The following FDFT1 variants were observed in gnomAD, a reference collection of about 807,000 sequenced individuals.
FDFT1 encodes the protein farnesyl-diphosphate farnesyltransferase 1, also known as squalene synthase.
FDFT1 carries 68 observed loss-of-function variants against 46.8 expected under a neutral mutation model. That is an observed-to-expected ratio of 1.45 (90% confidence interval 1.19 to 1.78). The LOEUF is 1.78. Ranked by LOEUF, FDFT1 falls within the 40% of genes most tolerant of loss-of-function variation. FDFT1 has a pLI of 0.00. For missense variants in FDFT1, 928 were observed against 524.4 expected, an observed-to-expected ratio of 1.77 and a Z score of -7.52; for synonymous variants, 351 against 185.1, an observed-to-expected ratio of 1.90 and a Z score of -7.28.
intron 3 of FDFT1, 115 bp from the exon 4 acceptor site, chr8:11,821,635 C>G (rs748838225): frequency 2.7e-5 from 34 of 1,242,058 alleles, no homozygotes; most frequent in Non-Finnish European, 3.7e-5. Flanking sequence ...CTAAATTAGG[C>G]TTATAGATGA....
At chr8:11,808,288 C>T (rs959899651) in intron 1 of FDFT1, 8 of 1,223,440 alleles carry the variant, frequency 6.5e-6, no homozygotes, top group Admixed American at 4.3e-5. Flanking sequence ...CGGAAGTGCG[C>T]TGGGTTCCCT....
At chr8:11,809,904 G>A in intron 3 of FDFT1, 54 bp downstream of exon 3, 6 of 1,388,850 alleles carry the variant, frequency 4.3e-6, no homozygotes, top group Non-Finnish European at 6.0e-6. Context: ...AATTGCTAAC[G>A]TGGTTGTCCG....
intron 3 of FDFT1, among the ~76,000 whole-genome samples, chr8:11,813,521 T>C (rs2130758293): frequency 6.6e-6 from 1 of 152,328 alleles, no homozygotes; most frequent in East Asian, 1.9e-4. Context: ...GTACTTTGCC[T>C]AGGATTACCC....
At chr8:11,831,495 C>T (rs757673923) in intron 6 of FDFT1, 23 bp from the exon 7 acceptor site, 1 of 1,593,842 alleles carries the variant, frequency 6.3e-7, no homozygotes, top group Non-Finnish European at 8.6e-7. Flanking sequence ...CTTCTTTTTT[C>T]CCTCTCTTCT....
intron 7 of FDFT1, among the ~76,000 whole-genome samples, chr8:11,834,342 C>G (rs927312830): frequency 1.3e-5 from 2 of 152,212 alleles, no homozygotes; most frequent in African/African-American, 4.8e-5. Flanking sequence ...GATCAACCTG[C>G]TATTTTGGGA....
chr8:11,798,118 C>G (rs1805748162), upstream of FDFT1: 1 of 151,974 alleles, frequency 6.6e-6, no homozygotes, highest in East Asian at 1.9e-4. Context: ...ACTTTGTTGC[C>G]CAGGCTGCAG....
At chr8:11,833,685 C>G (rs1449575001) in intron 7 of FDFT1, among the ~76,000 whole-genome samples, 1 of 152,184 alleles carries the variant, frequency 6.6e-6, no homozygotes, top group South Asian at 2.1e-4. Flanking sequence ...CAGCCACACC[C>G]ATTTGCTTCT....
intron 6 of FDFT1, among the ~76,000 whole-genome samples, chr8:11,831,033 C>G (rs1307717042): frequency 7.2e-5 from 11 of 152,152 alleles, no homozygotes; most frequent in African/African-American, 4.8e-5. Context: ...TTCCATTTAC[C>G]TAGAAATACT....
chr8:11,808,765 C>T, intron 1 of FDFT1, 29 bp from the exon 2 acceptor site: 4 of 1,610,878 alleles, frequency 2.5e-6, no homozygotes, highest in Non-Finnish European at 3.4e-6. Context: ...TCGACGTCTC[C>T]CACCGCCGTG....
upstream of FDFT1, chr8:11,802,146 G>A: frequency 2.2e-6 from 1 of 451,692 alleles, no homozygotes; most frequent in Admixed American, 2.4e-5. Flanking sequence ...AGGAGTGTGT[G>A]GGGCTCCCTG....
At position 11,838,472 on chromosome 8, in the gene FDFT1, A is replaced by G. The variant is rs1373133591; in HGVS notation, c.1117A>G (p.Asn373Asp). ...CACCATCCGGACGCAGAATCTTCCC[A>G]ACTGTCAGCTGATTTCCCGAAGCCA... ...ISTIRTQNLP[N>D]CQLISRSHYS... The change falls in exon 8 of 8, where the codon AAC becomes GAC. Residue 373 changes from asparagine to aspartate, a missense_variant. By Grantham distance (23) the Asn-to-Asp change is conservative. Coordinates refer to ENST00000220584, the MANE Select transcript of FDFT1 (RefSeq NM_004462.5). 1.2e-6 allele frequency: 2 copies of G among 1,606,582 alleles called. No individual in the cohort carries two copies. The highest frequency in any genetic ancestry group is 1.7e-6 in the Non-Finnish European group (2 of 1,175,632).
chr8:11,829,335 C>G (rs1810453393), intron 5 of FDFT1, among the ~76,000 whole-genome samples: 2 of 152,150 alleles, frequency 1.3e-5, no homozygotes, highest in Non-Finnish European at 2.9e-5. Context: ...AGAGAATCCT[C>G]TAAATAATAT....
intron 3 of FDFT1, among the ~76,000 whole-genome samples, chr8:11,810,935 A>T (rs986322204): frequency 7.5e-4 from 18 of 23,982 alleles, no homozygotes; most frequent in Admixed American, 4.4e-3. Flanking sequence ...GCAATATTTA[A>T]AAAAAAAAAA....
intron 3 of FDFT1, among the ~76,000 whole-genome samples, chr8:11,816,212 G>A (rs756497595): frequency 1.9e-4 from 29 of 152,150 alleles, no homozygotes; most frequent in Non-Finnish European, 3.2e-4. Flanking sequence ...CCTCTGTTCC[G>A]TTCCATTGGT....
upstream of FDFT1, chr8:11,801,974 C>T (rs778615591): frequency 6.6e-6 from 3 of 455,690 alleles, no homozygotes; most frequent in African/African-American, 6.0e-5. Context: ...CAGGCGTGAG[C>T]CACCACGCCT....
chr8:11,799,727 C>A (rs2130634513), upstream of FDFT1, among the ~76,000 whole-genome samples: 1 of 151,842 alleles, frequency 6.6e-6, no homozygotes, highest in Admixed American at 6.5e-5. Flanking sequence ...GCGGGCGGAT[C>A]ACGAGGTCAA....
In FDFT1 at chr8:11,838,497, A is replaced by G. The variant is rs753067078; in HGVS notation, c.1142A>G (p.His381Arg). The change falls in exon 8 of 8, where the codon CAC (histidine) becomes CGC (arginine). Residue 381 changes from histidine to arginine, a missense_variant. Coordinates refer to ENST00000220584, the MANE Select transcript of FDFT1 (RefSeq NM_004462.5). ...LPNCQLISRS[H>R]YSPIYLSFVM... ...AACTGTCAGCTGATTTCCCGAAGCC[A>G]CTACTCCCCCATCTACCTGTCGTTT... 1.2e-6 allele frequency: 2 copies of G among 1,607,032 alleles called. No individual in the cohort carries two copies. Among genetic ancestry groups the G allele is most frequent in the East Asian group, 2.2e-5 (1 of 44,764 alleles).
At chr8:11,799,633 T>C (rs1364673736), upstream of FDFT1, among the ~76,000 whole-genome samples, 3 of 152,226 alleles carry the variant, frequency 2.0e-5, no homozygotes, top group African/African-American at 7.2e-5. Context: ...TGAAATGCTT[T>C]TTCCCTGGTG....
intron 1 of FDFT1, chr8:11,808,292 G>A (rs1271453347): frequency 1.6e-6 from 2 of 1,224,948 alleles, no homozygotes; most frequent in Non-Finnish European, 2.0e-6. Flanking sequence ...AGTGCGCTGG[G>A]TTCCCTTAGC....
Sources: allele counts gnomAD v4.1 joint callset (sites outside exome capture counted in the v4.1 genomes callset), GRCh38; gene constraint gnomAD v4.1.1; transcripts MANE v1.5; gene names NCBI Gene and HGNC (gene_info 2026-07-23, HGNC 2026-07-21).